The following PRDM16 variants were observed in gnomAD, a reference collection of about 807,000 sequenced individuals.
The protein encoded by PRDM16 is PR/SET domain 16.
Under a neutral mutation model 110.6 loss-of-function variants are expected in PRDM16, and 23 were observed. The ratio of observed to expected loss-of-function variants is 0.21; its 90% confidence interval spans 0.15 to 0.29. The LOEUF (loss-of-function observed/expected upper bound fraction) is 0.29, where lower values mean the gene tolerates loss of function less well. PRDM16 is among the 10% of genes least tolerant of loss of function. The probability of loss-of-function intolerance (pLI) is 1.00; values close to 1 mark genes in which losing one functional copy is unlikely to be tolerated. For missense variants in PRDM16, 1,615 were observed against 1,794.3 expected, an observed-to-expected ratio of 0.90 and a Z score of 1.81; for synonymous variants, 799 against 781.8, an observed-to-expected ratio of 1.02 and a Z score of -0.37.
intron 3 of PRDM16, among the ~76,000 whole-genome samples, chr1:3,263,221 A>C (rs1640210184): frequency 6.6e-6 from 1 of 152,196 alleles, no homozygotes; most frequent in Non-Finnish European, 1.5e-5. Flanking sequence ...GCCTGGCCTG[A>C]GAACACGGTG....
chr1:3,384,880 G>A (rs531296667), intron 3 of PRDM16, among the ~76,000 whole-genome samples: 194 of 152,292 alleles, frequency 1.3e-3, no homozygotes, highest in Non-Finnish European at 1.5e-3. Context: ...TCATTTTATC[G>A]CCGGGCCAGG....
intron 1 of PRDM16, among the ~76,000 whole-genome samples, chr1:3,184,791 C>T (rs1262161503): frequency 5.3e-5 from 8 of 152,194 alleles, no homozygotes; most frequent in African/African-American, 1.9e-4. Context: ...CGTCTAAATG[C>T]CGCCAAGCAG....
rs1041959523 is a variant in PRDM16 at position 3,081,139 on chromosome 1, C to T, written c.37+11843C>T. ...CCCGGAGTCTTAACTTTCCCTCCGT[C>T]GAAGGTGTTAGTCTTACCTTCCCGA... On this transcript the variant is annotated intron_variant, in intron 1 of 16. Transcript: ENST00000270722. This position sits in a 1 kb window ranked among gnomAD's most constrained non-coding sequence, Gnocchi z 4.6. Among the ~76,000 whole-genome samples the T allele has an allele frequency of 3.9e-5, 6 of 152,284 alleles. No homozygotes were observed. Among genetic ancestry groups the T allele is most frequent in the Admixed American group, 2.6e-4 (4 of 15,306 alleles).
intron 2 of PRDM16, among the ~76,000 whole-genome samples, chr1:3,211,822 C>T (rs990203201): frequency 5.9e-5 from 9 of 152,346 alleles, no homozygotes; most frequent in Middle Eastern, 6.8e-3. Context: ...CGTGTGCATG[C>T]GTGTGCGTGC....
rs1336272072 is a variant in PRDM16 at position 3,225,573 on chromosome 1, T to TGTGCGCGCGC, written c.388-18513_388-18512insTGCGCGCGCG. ...GTGTGTGTGTGTGTGTGTGTGTGTG[T>TGTGCGCGCGC]GCGCGCGCGCAGAAGGAAGGAAACG... On this transcript the variant is annotated intron_variant, in intron 2 of 16. Transcript: ENST00000270722. Among the ~76,000 whole-genome samples, 472 of 129,832 alleles carry TGTGCGCGCGC rather than the reference T, an allele frequency of 3.6e-3. 2 individuals carry two copies. Among genetic ancestry groups the TGTGCGCGCGC allele is most frequent in the African/African-American group, 0.011 (418 of 37,472 alleles). 85.2% of individuals were successfully genotyped at this position (129,832 alleles called of 152,430 possible).
intron 1 of PRDM16, among the ~76,000 whole-genome samples, chr1:3,159,023 T>G (rs1643879159): frequency 1.3e-5 from 2 of 152,230 alleles, no homozygotes; most frequent in Admixed American, 6.5e-5. Context: ...CCACCCGCCT[T>G]GGCCTCCCAA....
chr1:3,108,318 A>G (rs528869786), intron 1 of PRDM16, among the ~76,000 whole-genome samples: 12 of 152,294 alleles, frequency 7.9e-5, no homozygotes, highest in Admixed American at 7.2e-4. Flanking sequence ...GTGAATTTTT[A>G]TGTATGGTGT....
In PRDM16 at chr1:3,291,328, C is replaced by A. The variant is rs563484627; in HGVS notation, c.438+47191C>A. Among the ~76,000 whole-genome samples the A allele has an allele frequency of 3.3e-5, 5 of 152,330 alleles. 1 individual carries two copies. In the South Asian group the frequency reaches 8.3e-4, roughly 25 times the overall value. ...GCGCTCACAGTGGCCCCACCTGGAC[C>A]CCTGGGGGACCCACCCTTCTTCCCC... is the stretch of plus-strand genomic sequence containing the variant. On this transcript the variant is annotated intron_variant, in intron 3 of 16. Transcript: ENST00000270722.
chr1:3,258,664 G>A (rs566522681), intron 3 of PRDM16, among the ~76,000 whole-genome samples: 2 of 152,364 alleles, frequency 1.3e-5, no homozygotes, highest in Non-Finnish European at 2.9e-5. Flanking sequence ...GCCTGGGATG[G>A]AAAATTATCA....
chr1:3,106,840 T>C (rs1457607511), intron 1 of PRDM16, among the ~76,000 whole-genome samples: 2 of 152,124 alleles, frequency 1.3e-5, no homozygotes, highest in Non-Finnish European at 2.9e-5. Flanking sequence ...ATAGGGCTGA[T>C]AGTGCTGGCC....
chr1:3,368,663 G>A (rs1161133611), intron 3 of PRDM16, among the ~76,000 whole-genome samples: 2 of 152,186 alleles, frequency 1.3e-5, no homozygotes, highest in African/African-American at 2.4e-5. Flanking sequence ...CCCGTAAACC[G>A]TGTTGTGCTG....
chr1:3,180,988 T>G (rs1265226907), intron 1 of PRDM16, among the ~76,000 whole-genome samples: 2 of 134,566 alleles, frequency 1.5e-5, no homozygotes, highest in Non-Finnish European at 3.2e-5. Flanking sequence ...ACACGCAGTC[T>G]TACACACGAT....
intron 3 of PRDM16, among the ~76,000 whole-genome samples, chr1:3,348,600 G>A (rs1642412442): frequency 6.6e-6 from 1 of 152,266 alleles, no homozygotes; most frequent in Non-Finnish European, 1.5e-5. Flanking sequence ...TCCAGCAGAA[G>A]GAGGGGGGCT....
chr1:3,170,625 C>G (rs1644014980), intron 1 of PRDM16, among the ~76,000 whole-genome samples: 1 of 152,194 alleles, frequency 6.6e-6, no homozygotes, highest in Non-Finnish European at 1.5e-5. Context: ...AGCTCCCCAC[C>G]CCCACTCTGG....
At chr1:3,263,806 C>T (rs904262352) in intron 3 of PRDM16, among the ~76,000 whole-genome samples, 3 of 152,196 alleles carry the variant, frequency 2.0e-5, no homozygotes, top group Admixed American at 1.3e-4. Context: ...CTTTGCCACC[C>T]ATTAGAAAAG....
chr1:3,237,431 C>G (rs957591855), intron 2 of PRDM16, among the ~76,000 whole-genome samples: 2 of 152,268 alleles, frequency 1.3e-5, no homozygotes, highest in Admixed American at 6.5e-5. Flanking sequence ...TCCTCTTCCT[C>G]GTGTTGATGT....
rs1640954397 is a variant in PRDM16, at chr1:3,290,738, G to C, written c.438+46601G>C. ...CAGGGAGTGGAAGAAACTCAAGCCG[G>C]GAGCTGTGGATCCAAAAATATTGCA... On this transcript the variant is annotated intron_variant, in intron 3 of 16. Coordinates refer to ENST00000270722, the MANE Select transcript of PRDM16 (RefSeq NM_022114.4). The surrounding 1 kb of genome is among the most constrained non-coding windows in gnomAD (Gnocchi z 4.8). Among the ~76,000 whole-genome samples, 1 of 152,120 alleles carries C rather than the reference G, an allele frequency of 6.6e-6. No individual in the cohort carries two copies. Among genetic ancestry groups the C allele is most frequent in the Admixed American group, 6.6e-5 (1 of 15,266 alleles).
intron 2 of PRDM16, among the ~76,000 whole-genome samples, chr1:3,226,541 GA>G (rs1318035617): frequency 6.6e-6 from 1 of 151,942 alleles, no homozygotes; most frequent in South Asian, 2.1e-4. Flanking sequence ...GTCTGATTAG[GA>G]AAAAAAACCT....
intron 2 of PRDM16, among the ~76,000 whole-genome samples, chr1:3,212,617 G>GCCGTCCTCCCGCTC (rs1557532575): frequency 4.8e-5 from 7 of 145,944 alleles, no homozygotes; most frequent in South Asian, 2.2e-4. Flanking sequence ...CCCCCTCGCT[G>GCCGTCCTCCCGCTC]AGGTCCTCCC....
Sources: gnomAD v4.1 joint callset for allele counts (sites outside exome capture counted in the v4.1 genomes callset) on GRCh38, gnomAD v4.1.1 for gene constraint, Gnocchi (gnomAD v3.1) non-coding constraint, MANE v1.5 for transcripts, NCBI Gene and HGNC (gene_info 2026-07-23, HGNC 2026-07-21) for gene names.